Variants in PPARGC1A observed in about 807,000 individuals in gnomAD.
PPARGC1A encodes peroxisome proliferator-activated receptor gamma coactivator 1-alpha.
In PPARGC1A, 25 loss-of-function variants were observed where a neutral mutation model predicts 88.7. The ratio of observed to expected loss-of-function variants is 0.28; its 90% CI spans 0.21 to 0.39. PPARGC1A has a LOEUF of 0.39. PPARGC1A is among the 10% of genes least tolerant of loss of function. The pLI is 1.00. For synonymous variants in PPARGC1A, 363 were observed against 355.6 expected (o/e 1.02, Z -0.24); for missense variants, 880 against 968.7 (o/e 0.91, Z 1.22).
the PPARGC1A span, among the ~76,000 whole-genome samples, chr4:23,924,131 A>G: frequency 6.6e-6 from 1 of 152,226 alleles, no homozygotes; most frequent in African/African-American, 2.4e-5. Flanking sequence ...TAGTCACAGG[A>G]GATTGGCTTG....
the PPARGC1A span, among the ~76,000 whole-genome samples, chr4:24,390,204 C>A: frequency 6.6e-6 from 1 of 151,992 alleles, no homozygotes; most frequent in Non-Finnish European, 1.5e-5. Context: ...GCTTCAAAAT[C>A]ATATTAGAGT....
intron 2 of PPARGC1A, among the ~76,000 whole-genome samples, chr4:23,833,330 C>T (rs1394046052): frequency 1.3e-5 from 2 of 152,174 alleles, no homozygotes; most frequent in Non-Finnish European, 2.9e-5. Flanking sequence ...CATTTATTGC[C>T]AACAATATCT....
the PPARGC1A span, among the ~76,000 whole-genome samples, chr4:24,347,710 T>C: frequency 1.3e-5 from 2 of 152,218 alleles, no homozygotes; most frequent in Non-Finnish European, 2.9e-5. Context: ...TTACCCATCC[T>C]GCAGTTCTGT....
At chr4:23,927,031 G>GT in the PPARGC1A span, among the ~76,000 whole-genome samples, 1 of 152,184 alleles carries the variant, frequency 6.6e-6, no homozygotes, top group South Asian at 2.1e-4. Flanking sequence ...TAAATCCATT[G>GT]TAAGTCATAA....
the PPARGC1A span, among the ~76,000 whole-genome samples, chr4:24,243,936 A>G: frequency 6.6e-6 from 1 of 152,244 alleles, no homozygotes; most frequent in Non-Finnish European, 1.5e-5. Flanking sequence ...AAAGCAAAAG[A>G]CACAGGATAG....
chr4:24,287,464 A>G, the PPARGC1A span, among the ~76,000 whole-genome samples: 1 of 152,310 alleles, frequency 6.6e-6, no homozygotes, highest in Middle Eastern at 3.4e-3. Flanking sequence ...TAAATGATAT[A>G]AAGGGACTAG....
chr4:24,456,399 T>C, the PPARGC1A span, among the ~76,000 whole-genome samples: 2 of 151,860 alleles, frequency 1.3e-5, no homozygotes, highest in African/African-American at 4.8e-5. Context: ...GGCAGGGGAG[T>C]TGGGGACAGT....
the PPARGC1A span, among the ~76,000 whole-genome samples, chr4:24,447,606 A>G: frequency 2.6e-5 from 4 of 152,182 alleles, no homozygotes; most frequent in Non-Finnish European, 5.9e-5. Context: ...ATGTGTCTGA[A>G]TCCTCGTCAT....
chr4:24,294,586 C>T, the PPARGC1A span, among the ~76,000 whole-genome samples: 2 of 152,118 alleles, frequency 1.3e-5, no homozygotes, highest in African/African-American at 2.4e-5. Context: ...AACTTCCCCA[C>T]CCCCACTCCC....
chr4:24,189,788 C>A, the PPARGC1A span, among the ~76,000 whole-genome samples: 6 of 152,120 alleles, frequency 3.9e-5, no homozygotes, highest in Non-Finnish European at 8.8e-5. Context: ...TCGTGGATAG[C>A]CCTATCTCTC....
the PPARGC1A span, among the ~76,000 whole-genome samples, chr4:24,049,822 T>A: frequency 6.6e-6 from 1 of 152,106 alleles, no homozygotes; most frequent in African/African-American, 2.4e-5. Flanking sequence ...GCCTTCCAAC[T>A]CTAGTCAGTG....
chr4:24,350,559 C>A, the PPARGC1A span, among the ~76,000 whole-genome samples: 1 of 152,058 alleles, frequency 6.6e-6, no homozygotes, highest in Admixed American at 6.5e-5. Flanking sequence ...CTACTGAACG[C>A]ATAAAACTGT....
At chr4:24,203,575 A>G in the PPARGC1A span, among the ~76,000 whole-genome samples, 2 of 19,586 alleles carry the variant, frequency 1.0e-4, no homozygotes, top group East Asian at 2.3e-3. Context: ...GAGATAGAAA[A>G]AGAAAGAGAA....
At chr4:24,275,387 G>A in the PPARGC1A span, among the ~76,000 whole-genome samples, 1 of 152,150 alleles carries the variant, frequency 6.6e-6, no homozygotes, top group African/African-American at 2.4e-5. Context: ...GCCTATTACA[G>A]AACTAATTTA....
chr4:24,286,241 C>T, the PPARGC1A span, among the ~76,000 whole-genome samples: 4 of 152,044 alleles, frequency 2.6e-5, no homozygotes, highest in South Asian at 2.1e-4. Flanking sequence ...CTATTGCTAC[C>T]GAGGGAAAGT....
chr4:24,380,670 C>G, the PPARGC1A span, among the ~76,000 whole-genome samples: 2 of 151,960 alleles, frequency 1.3e-5, no homozygotes, highest in African/African-American at 4.8e-5. Context: ...AGGGAGGATC[C>G]ATGGAAACAG....
At chr4:23,915,067 G>A in the PPARGC1A span, among the ~76,000 whole-genome samples, 1 of 152,178 alleles carries the variant, frequency 6.6e-6, no homozygotes, top group Non-Finnish European at 1.5e-5. Flanking sequence ...ACTTAAAAAG[G>A]AGGAGAGACT....
chr4:24,441,724 A>AAGGAGGAAAGGAGGAG, the PPARGC1A span, among the ~76,000 whole-genome samples: 5 of 152,138 alleles, frequency 3.3e-5, no homozygotes, highest in African/African-American at 4.8e-5. Flanking sequence ...GGAAGGAAGA[A>AAGGAGGAAAGGAGGAG]AGGAGGAAAG....
chr4:24,384,402 A>G, the PPARGC1A span, among the ~76,000 whole-genome samples: 1 of 152,158 alleles, frequency 6.6e-6, no homozygotes, highest in Admixed American at 6.5e-5. Context: ...TTAAATGTAA[A>G]TGGGCTAAAT....
Sources: gnomAD v4.1 joint callset for allele counts (sites outside exome capture counted in the v4.1 genomes callset) on GRCh38, gnomAD v4.1.1 for gene constraint, MANE v1.5 for transcripts, NCBI Gene and HGNC (gene_info 2026-07-23, HGNC 2026-07-21) for gene names.